MARCHF3: variants seen among roughly 807,000 people sequenced by gnomAD.
MARCHF3 encodes the protein E3 ubiquitin-protein ligase MARCHF3.
MARCHF3 carries 13 observed loss-of-function variants against 24.2 expected under a neutral mutation model. The ratio of observed to expected loss-of-function variants is 0.54; its 90% CI spans 0.35 to 0.85. The LOEUF (loss-of-function observed/expected upper bound fraction) is 0.85. Among genes scored for constraint, MARCHF3 ranks in the 40% least tolerant of loss-of-function variants. The probability of loss-of-function intolerance (pLI) is 0.01; values close to 1 mark genes in which losing one functional copy is unlikely to be tolerated. For synonymous variants in MARCHF3, 144 were observed against 137.3 expected, an observed-to-expected ratio of 1.05 and a Z score of -0.34; for missense variants, 276 against 325.0, an observed-to-expected ratio of 0.85 and a Z score of 1.16.
chr5:126,944,467 T>C (rs573649200), intron 1 of MARCHF3, among the ~76,000 whole-genome samples: 1 of 152,150 alleles, frequency 6.6e-6, no homozygotes, highest in African/African-American at 2.4e-5. Flanking sequence ...GGCATGGTTG[T>C]ACATGCCCAG....
At chr5:126,926,274 G>T (rs570100214) in intron 1 of MARCHF3, among the ~76,000 whole-genome samples, 1 of 152,128 alleles carries the variant, frequency 6.6e-6, no homozygotes, top group Non-Finnish European at 1.5e-5. Flanking sequence ...CTACAGGGAG[G>T]CTGCAGTCTT....
At chr5:126,947,098 GAC>G (rs1750050467) in intron 1 of MARCHF3, among the ~76,000 whole-genome samples, 1 of 152,102 alleles carries the variant, frequency 6.6e-6, no homozygotes, top group Non-Finnish European at 1.5e-5. Context: ...GGAAAGTAAT[GAC>G]AGAGTCCTGG....
chr5:127,016,834 T>C (rs1752650049), intron 1 of MARCHF3, among the ~76,000 whole-genome samples: 2 of 152,082 alleles, frequency 1.3e-5, no homozygotes, highest in South Asian at 2.1e-4. Context: ...CTATTCACAA[T>C]AGCAAATAGA....
At chr5:127,014,811 G>A (rs1580489793) in intron 1 of MARCHF3, among the ~76,000 whole-genome samples, 1 of 152,310 alleles carries the variant, frequency 6.6e-6, no homozygotes, top group East Asian at 1.9e-4. Flanking sequence ...GAAAGGGTAG[G>A]AGGAAGTTGG....
intron 1 of MARCHF3, among the ~76,000 whole-genome samples, chr5:126,956,985 C>T (rs924921679): frequency 6.6e-6 from 1 of 152,244 alleles, no homozygotes; most frequent in South Asian, 2.1e-4. Flanking sequence ...CTGCTGGCTT[C>T]AGGTGATCCT....
At chr5:126,902,237 G>C (rs1221560183) in intron 3 of MARCHF3, among the ~76,000 whole-genome samples, 5 of 152,052 alleles carry the variant, frequency 3.3e-5, no homozygotes, top group African/African-American at 1.2e-4. Context: ...TCCTTTGAAG[G>C]CGTTTGTTAA....
At chr5:126,956,018 A>G (rs529580380) in intron 1 of MARCHF3, among the ~76,000 whole-genome samples, 14 of 152,308 alleles carry the variant, frequency 9.2e-5, no homozygotes, top group Non-Finnish European at 2.1e-4. Flanking sequence ...AGAGAACTAA[A>G]TCACTTATTA....
At chr5:126,969,766 C>T (rs552176387) in intron 1 of MARCHF3, among the ~76,000 whole-genome samples, 9 of 152,340 alleles carry the variant, frequency 5.9e-5, no homozygotes, top group African/African-American at 1.9e-4. Flanking sequence ...TGACCCCCAT[C>T]TGCAGAGATT....
chr5:126,971,242 G>A (rs1750998162), intron 1 of MARCHF3, among the ~76,000 whole-genome samples: 1 of 151,954 alleles, frequency 6.6e-6, no homozygotes, highest in Non-Finnish European at 1.5e-5. Context: ...GAGGTCAGGA[G>A]ATCAAGACCA....
chr5:126,921,532 C>G (rs57448612), intron 1 of MARCHF3, among the ~76,000 whole-genome samples: 1 of 152,222 alleles, frequency 6.6e-6, no homozygotes, highest in African/African-American at 2.4e-5. Context: ...CCTGGGAAAA[C>G]AGCAGGCTGT....
chr5:126,995,626 G>C (rs1561464803), intron 1 of MARCHF3, among the ~76,000 whole-genome samples: 2 of 152,150 alleles, frequency 1.3e-5, no homozygotes, highest in Non-Finnish European at 2.9e-5. Flanking sequence ...TTCACATCCT[G>C]GGTATTCAAA....
chr5:126,977,563 G>A (rs1353394981), intron 1 of MARCHF3, among the ~76,000 whole-genome samples: 1 of 152,222 alleles, frequency 6.6e-6, no homozygotes, highest in Non-Finnish European at 1.5e-5. Context: ...CTTTCACACC[G>A]TTGCTTGGAA....
At chr5:126,883,281 C>G (rs1382911254) in intron 3 of MARCHF3, among the ~76,000 whole-genome samples, 2 of 152,166 alleles carry the variant, frequency 1.3e-5, no homozygotes, top group African/African-American at 4.8e-5. Flanking sequence ...GGTGGATCCA[C>G]TCATATGGCT....
chr5:126,968,986 C>T (rs1241841833), intron 1 of MARCHF3, among the ~76,000 whole-genome samples: 1 of 152,088 alleles, frequency 6.6e-6, no homozygotes, highest in Non-Finnish European at 1.5e-5. Flanking sequence ...TTGAAATAGT[C>T]CTTTAAAGCA....
chr5:126,916,692 G>GACAGACAGACACACACACAC (rs750408549), intron 2 of MARCHF3, among the ~76,000 whole-genome samples: 2 of 130,482 alleles, frequency 1.5e-5, no homozygotes, highest in African/African-American at 6.4e-5. Context: ...CAGACAGACA[G>GACAGACAGACACACACACAC]ACACACACAC....
chr5:126,992,733 A>AT (rs534644701), intron 1 of MARCHF3, among the ~76,000 whole-genome samples: 2 of 131,304 alleles, frequency 1.5e-5, no homozygotes, highest in Admixed American at 7.5e-5. Flanking sequence ...CAAGTCACTG[A>AT]TTTTTTTTCT....
At chr5:126,921,866 C>G (rs1301255867) in intron 1 of MARCHF3, among the ~76,000 whole-genome samples, 1 of 151,946 alleles carries the variant, frequency 6.6e-6, no homozygotes, top group Non-Finnish European at 1.5e-5. Context: ...GTGGGAGGAG[C>G]GGGAGTAGGT....
intron 1 of MARCHF3, among the ~76,000 whole-genome samples, chr5:127,017,182 C>T (rs1361745592): frequency 5.9e-5 from 9 of 152,224 alleles, no homozygotes; most frequent in African/African-American, 2.2e-4. Context: ...TTGATGGGTG[C>T]AGCAAACCAA....
At chr5:127,013,835 C>T (rs1561473491) in intron 1 of MARCHF3, among the ~76,000 whole-genome samples, 1 of 152,016 alleles carries the variant, frequency 6.6e-6, no homozygotes, top group Admixed American at 6.6e-5. Flanking sequence ...GTGCTAAAAG[C>T]AATGGATATC....
Sources: gnomAD v4.1 joint callset for allele counts (sites outside exome capture counted in the v4.1 genomes callset) on GRCh38, gnomAD v4.1.1 for gene constraint, MANE v1.5 for transcripts, NCBI Gene and HGNC (gene_info 2026-07-23, HGNC 2026-07-21) for gene names.